Variants in MTUS1 observed in about 807,000 individuals in gnomAD.
MTUS1 encodes microtubule-associated tumor suppressor 1.
In MTUS1, 109 loss-of-function variants were observed where a neutral mutation model predicts 120.8. The ratio of observed to expected loss-of-function variants is 0.90; its 90% confidence interval spans 0.77 to 1.06. MTUS1 has a LOEUF of 1.06. Among genes scored for constraint, MTUS1 ranks in the 50% least tolerant of loss-of-function variants. The pLI is 0.00. For missense variants in MTUS1, 2,210 were observed against 1,486.3 expected (o/e 1.49, Z -8.01); for synonymous variants, 737 against 550.5 (o/e 1.34, Z -4.74).
chr8:17,698,986 C>T (rs576735799), intron 6 of MTUS1, among the ~76,000 whole-genome samples: 1 of 152,104 alleles, frequency 6.6e-6, no homozygotes, highest in Non-Finnish European at 1.5e-5. Flanking sequence ...CTTTTCCTTC[C>T]AGATTCTACA....
chr8:17,742,272 T>TTTG (rs1563302067), intron 3 of MTUS1, among the ~76,000 whole-genome samples: 8 of 124,996 alleles, frequency 6.4e-5, no homozygotes, highest in East Asian at 2.3e-4. Flanking sequence ...CCCAGCTGTT[T>TTTG]TTTTTTTTTG....
At chr8:17,704,387 G>A (rs1226717780) in intron 6 of MTUS1, among the ~76,000 whole-genome samples, 1 of 152,046 alleles carries the variant, frequency 6.6e-6, no homozygotes, top group Non-Finnish European at 1.5e-5. Flanking sequence ...TTTTGTTTGA[G>A]GTGTTTTATA....
intron 1 of MTUS1, among the ~76,000 whole-genome samples, chr8:17,779,182 A>G (rs1586359204): frequency 6.6e-6 from 1 of 152,346 alleles, no homozygotes; most frequent in South Asian, 2.1e-4. Flanking sequence ...TCATTACAGC[A>G]GTAGTTAACA....
At chr8:17,789,298 T>C (rs1335726139) in intron 1 of MTUS1, among the ~76,000 whole-genome samples, 1 of 152,184 alleles carries the variant, frequency 6.6e-6, no homozygotes, top group Non-Finnish European at 1.5e-5. Context: ...CCCAAAGTGC[T>C]GGGATTACAG....
chr8:17,748,726 AT>A (rs1373150159), intron 2 of MTUS1, among the ~76,000 whole-genome samples: 1 of 149,286 alleles, frequency 6.7e-6, no homozygotes, highest in Non-Finnish European at 1.5e-5. Flanking sequence ...GAGGTTGAGC[AT>A]GGCGGGCTGA....
chr8:17,653,341 C>T (rs186803683), intron 11 of MTUS1, 60 bp from the exon 12 acceptor site: 45 of 1,495,626 alleles, frequency 3.0e-5, no homozygotes, highest in South Asian at 1.2e-4. Context: ...ACTCAGCATA[C>T]GTACACAGAA....
At chr8:17,731,253 T>C (rs2046554351) in intron 3 of MTUS1, among the ~76,000 whole-genome samples, 1 of 152,098 alleles carries the variant, frequency 6.6e-6, no homozygotes, top group Non-Finnish European at 1.5e-5. Context: ...TAGTTGACAA[T>C]CTCGAGGTAG....
At chr8:17,791,271 T>G (rs1305102903) in intron 1 of MTUS1, among the ~76,000 whole-genome samples, 3 of 152,212 alleles carry the variant, frequency 2.0e-5, no homozygotes, top group Non-Finnish European at 4.4e-5. Flanking sequence ...AATATCATAT[T>G]TACAATGTGC....
intron 2 of MTUS1, among the ~76,000 whole-genome samples, chr8:17,747,730 G>C (rs989027840): frequency 3.9e-5 from 6 of 152,142 alleles, no homozygotes; most frequent in Non-Finnish European, 8.8e-5. Context: ...CAAGCGGCTT[G>C]ACTGATGTAT....
intron 6 of MTUS1, among the ~76,000 whole-genome samples, chr8:17,689,367 ACTT>A (rs990054586): frequency 5.9e-5 from 9 of 151,266 alleles, no homozygotes; most frequent in African/African-American, 2.2e-4. Context: ...AAAGGGTTCT[ACTT>A]CTTTTCTTCA....
intron 1 of MTUS1, among the ~76,000 whole-genome samples, chr8:17,796,280 C>G (rs1481759104): frequency 1.3e-5 from 2 of 152,298 alleles, no homozygotes; most frequent in South Asian, 2.1e-4. Context: ...TATGGGCCTG[C>G]TAGCAAGATT....
intron 13 of MTUS1, among the ~76,000 whole-genome samples, chr8:17,647,902 G>A (rs541401642): frequency 2.0e-5 from 3 of 152,292 alleles, no homozygotes; most frequent in South Asian, 2.1e-4. Flanking sequence ...CAGGACTAAC[G>A]CGCTTTGAGT....
At chr8:17,759,500 T>C (rs1421118415) in intron 1 of MTUS1, among the ~76,000 whole-genome samples, 2 of 150,714 alleles carry the variant, frequency 1.3e-5, no homozygotes, top group Non-Finnish European at 3.0e-5. Flanking sequence ...TAAACTGAAA[T>C]CTTCACAATC....
Position 17,754,851 on chromosome 8 carries a change from A to G in MTUS1, c.957T>C (p.Asn319=), listed in dbSNP as rs776665169. 1 of 1,614,116 alleles carries G rather than the reference A, an allele frequency of 6.2e-7. No individual in the cohort carries two copies. The highest frequency in any genetic ancestry group is 8.5e-7 in the Non-Finnish European group (1 of 1,180,046). Residue 319 remains asparagine, a synonymous_variant, in exon 2 of 15, where the codon AAT becomes AAC. Transcript: ENST00000693296. ...ATGAGCTCTGTGAATGTGGTTCGCTATTGGATTCATCATGGGATAAACAAA... is the reference window on the plus strand; with the variant it reads ...ATGAGCTCTGTGAATGTGGTTCGCTGTTGGATTCATCATGGGATAAACAAA... The part of the protein sequence containing the change: ...EFFCLSHDES[N]SEPHSQSSYR...
At chr8:17,756,140 T>G (rs1563336195) in intron 1 of MTUS1, among the ~76,000 whole-genome samples, 179 bp from the exon 2 acceptor site, 1 of 152,322 alleles carries the variant, frequency 6.6e-6, no homozygotes, top group South Asian at 2.1e-4. Context: ...TCAAGATACT[T>G]TTTTAATTTG....
rs1806653332 is a variant in MTUS1 at position 17,650,037 on chromosome 8, A to G, written c.3385-75T>C. On this transcript the variant is annotated intron_variant, in intron 12 of 14. Coordinates refer to ENST00000693296, the MANE Select transcript of MTUS1 (RefSeq NM_001363059.2). Reference sequence around the variant, plus strand: ...CTTAACAGAAAGAATCTTTGATTAGATTGAGACATTAGACAAGTAGCAAGC... The same window carrying G: ...CTTAACAGAAAGAATCTTTGATTAGGTTGAGACATTAGACAAGTAGCAAGC... The G allele has an allele frequency of 7.5e-5, 62 of 831,078 alleles. No individual in the cohort carries two copies. In the South Asian group the frequency reaches 8.6e-4, roughly 12 times the overall value. 51.5% of individuals were successfully genotyped at this position (831,078 alleles called of 1,614,324 possible). A position where few individuals can be genotyped will look rare whatever the true frequency, so the allele number is the denominator to read the frequency against.
Position 17,713,195 on chromosome 8 carries a change from C to G in MTUS1, c.2623+19G>C, listed in dbSNP as rs1424444537. On this transcript the variant is annotated intron_variant, in intron 6 of 14. Coordinates refer to ENST00000693296, the MANE Select transcript of MTUS1 (RefSeq NM_001363059.2). ...ACAAAAAGATTCTTTTTATCGCCAT[C>G]CATAAAGTGGTCACTCACCTGCATT... The G allele has an allele frequency of 6.3e-7, 1 of 1,581,484 alleles. No individual in the cohort carries two copies.
chr8:17,770,215 C>A (rs1415859554), intron 1 of MTUS1, among the ~76,000 whole-genome samples: 1 of 152,112 alleles, frequency 6.6e-6, no homozygotes, highest in Non-Finnish European at 1.5e-5. Flanking sequence ...AGGGGATACT[C>A]ACTTTTCTGC....
chr8:17,784,874 T>A (rs997481735), intron 1 of MTUS1, among the ~76,000 whole-genome samples: 1 of 151,866 alleles, frequency 6.6e-6, no homozygotes, highest in African/African-American at 2.4e-5. Flanking sequence ...AACCTCCGCC[T>A]CCCGGCTTCA....
Sources: allele counts gnomAD v4.1 joint callset (sites outside exome capture counted in the v4.1 genomes callset), GRCh38; gene constraint gnomAD v4.1.1; transcripts MANE v1.5; gene names NCBI Gene and HGNC (gene_info 2026-07-23, HGNC 2026-07-21).